ARB2A: variants seen among roughly 807,000 people sequenced by gnomAD.
ARB2A encodes the protein ARB2 cotranscriptional regulator A.
the ARB2A span, among the ~76,000 whole-genome samples, chr5:93,766,342 G>GA: frequency 3.3e-5 from 5 of 151,876 alleles, no homozygotes; most frequent in Admixed American, 2.0e-4. Context: ...AAATTTACAA[G>GA]AAAAAAACAA....
the ARB2A span, among the ~76,000 whole-genome samples, chr5:93,954,609 C>T: frequency 2.0e-5 from 3 of 151,520 alleles, no homozygotes; most frequent in South Asian, 2.1e-4. Context: ...AGGGGTGGCA[C>T]AAGGACTCTC....
At chr5:93,915,233 G>A in the ARB2A span, among the ~76,000 whole-genome samples, 2 of 151,788 alleles carry the variant, frequency 1.3e-5, no homozygotes, top group African/African-American at 4.8e-5. Flanking sequence ...GGCAAACCAA[G>A]CAATTGGGCT....
the ARB2A span, among the ~76,000 whole-genome samples, chr5:94,026,395 T>C: frequency 4.6e-5 from 7 of 151,856 alleles, no homozygotes; most frequent in African/African-American, 7.2e-5. Flanking sequence ...ATGCTGACAA[T>C]TGAAGGGCGA....
chr5:93,888,046 A>G, the ARB2A span, among the ~76,000 whole-genome samples: 1 of 151,886 alleles, frequency 6.6e-6, no homozygotes, highest in East Asian at 1.9e-4. Flanking sequence ...AGGTCATCCA[A>G]GCACTATTTA....
At chr5:94,080,535 G>A in the ARB2A span, among the ~76,000 whole-genome samples, 4 of 152,130 alleles carry the variant, frequency 2.6e-5, no homozygotes, top group African/African-American at 9.7e-5. Flanking sequence ...AGAATGTGCT[G>A]CTCAGCTAGA....
the ARB2A span, among the ~76,000 whole-genome samples, chr5:93,671,841 GC>G: frequency 1.3e-5 from 2 of 152,144 alleles, no homozygotes; most frequent in South Asian, 4.1e-4. Flanking sequence ...AAACAAAGTA[GC>G]TTGGAAGAGG....
the ARB2A span, among the ~76,000 whole-genome samples, chr5:94,102,000 G>A: frequency 2.0e-4 from 30 of 150,602 alleles, 1 homozygote; most frequent in African/African-American, 6.1e-4. Flanking sequence ...AGCCCTCCCC[G>A]TCATAGTGTA....
At chr5:93,719,422 T>C in the ARB2A span, among the ~76,000 whole-genome samples, 1 of 152,204 alleles carries the variant, frequency 6.6e-6, no homozygotes, top group South Asian at 2.1e-4. Flanking sequence ...AAGCCACATA[T>C]AGGTTAGTCA....
chr5:93,997,594 T>C, the ARB2A span, among the ~76,000 whole-genome samples: 1 of 151,992 alleles, frequency 6.6e-6, no homozygotes, highest in South Asian at 2.1e-4. Context: ...AAACTGGTCT[T>C]CCCTCTTTGA....
chr5:93,631,145 A>T, the ARB2A span, among the ~76,000 whole-genome samples: 1 of 152,036 alleles, frequency 6.6e-6, no homozygotes, highest in East Asian at 1.9e-4. Context: ...TCAACCTCCC[A>T]AAGTGTTGGG....
At chr5:93,841,482 T>C in the ARB2A span, among the ~76,000 whole-genome samples, 3 of 152,146 alleles carry the variant, frequency 2.0e-5, no homozygotes, top group African/African-American at 7.2e-5. Flanking sequence ...GACTTGAGCA[T>C]CTGTGGATTT....
the ARB2A span, among the ~76,000 whole-genome samples, chr5:93,696,687 G>GC: frequency 6.6e-6 from 1 of 151,888 alleles, no homozygotes; most frequent in Non-Finnish European, 1.5e-5. Flanking sequence ...AGATAGAAGT[G>GC]TTTTTTTTGG....
chr5:93,787,074 T>G, the ARB2A span, among the ~76,000 whole-genome samples: 1 of 152,184 alleles, frequency 6.6e-6, no homozygotes, highest in African/African-American at 2.4e-5. Context: ...ATTAAACAAC[T>G]TGAAATTCCT....
chr5:93,769,394 G>C, the ARB2A span, among the ~76,000 whole-genome samples: 3 of 152,122 alleles, frequency 2.0e-5, no homozygotes, highest in African/African-American at 7.2e-5. Flanking sequence ...AGAAATTATT[G>C]ATCAGAGAAA....
chr5:93,910,885 A>G, the ARB2A span: 14 of 151,596 alleles, frequency 9.2e-5, no homozygotes, highest in Non-Finnish European at 1.5e-4. Context: ...CTTCAGAATC[A>G]TATGTATTCA....
the ARB2A span, among the ~76,000 whole-genome samples, chr5:93,881,103 G>A: frequency 6.6e-6 from 1 of 151,524 alleles, no homozygotes; most frequent in African/African-American, 2.4e-5. Context: ...ACAACATAAC[G>A]GCATGTTATG....
the ARB2A span, among the ~76,000 whole-genome samples, chr5:93,939,510 A>T: frequency 6.6e-6 from 1 of 152,258 alleles, no homozygotes; most frequent in East Asian, 1.9e-4. Flanking sequence ...TACCACTATG[A>T]AATATGGGAA....
the ARB2A span, among the ~76,000 whole-genome samples, chr5:94,062,053 G>C: frequency 3.3e-5 from 5 of 152,178 alleles, no homozygotes; most frequent in Admixed American, 3.3e-4. Context: ...AATTAAGAGA[G>C]TGTGGTATTG....
the ARB2A span, among the ~76,000 whole-genome samples, chr5:93,823,100 T>C: frequency 6.6e-6 from 1 of 152,200 alleles, no homozygotes; most frequent in African/African-American, 2.4e-5. Flanking sequence ...CTTAGATCTA[T>C]TTGGATTTAA....
Sources: allele counts gnomAD v4.1 joint callset (sites outside exome capture counted in the v4.1 genomes callset), GRCh38; gene constraint gnomAD v4.1.1; transcripts MANE v1.5; gene names NCBI Gene and HGNC (gene_info 2026-07-23, HGNC 2026-07-21).